Variants in UTP4 observed in about 807,000 individuals in gnomAD.
The protein encoded by UTP4 is U3 small nucleolar RNA-associated protein 4 homolog.
Under a neutral mutation model 82.4 loss-of-function variants are expected in UTP4, and 45 were observed. That is an observed-to-expected ratio of 0.55 (90% CI 0.43 to 0.70). The LOEUF (loss-of-function observed/expected upper bound fraction) is 0.70, where lower values mean the gene tolerates loss of function less well. Ranked by LOEUF, UTP4 falls within the 30% of genes least tolerant of loss-of-function variation. The pLI is 0.00. For missense variants in UTP4, 819 were observed against 858.3 expected, an observed-to-expected ratio of 0.95 and a Z score of 0.57; for synonymous variants, 348 against 300.3, an observed-to-expected ratio of 1.16 and a Z score of -1.64.
In UTP4 at chr16:69,160,436, C is replaced by A; in HGVS notation, c.1525C>A (p.His509Asn). Residue 509 changes from histidine (H) to asparagine (N), a missense_variant, in exon 13 of 17, where the codon CAT (histidine) becomes AAT (asparagine). Coordinates refer to ENST00000314423, the MANE Select transcript of UTP4 (RefSeq NM_032830.3). Reference sequence around the variant, plus strand: ...TGCATCAGGTACCAGTGCTGGAGTCCATGTCTACAACGTAAAACAGCTAAA... The same window carrying A: ...TGCATCAGGTACCAGTGCTGGAGTCAATGTCTACAACGTAAAACAGCTAAA... ...LAASGTSAGVHVYNVKQLKLH... is the reference protein window; with the variant it reads ...LAASGTSAGVNVYNVKQLKLH... 6.2e-7 allele frequency: 1 copy of A among 1,614,004 alleles called. No homozygotes were observed. Among genetic ancestry groups the A allele is most frequent in the Non-Finnish European group, 8.5e-7 (1 of 1,179,908 alleles).
intron 2 of UTP4, 110 bp from the exon 3 acceptor site, chr16:69,136,586 C>A: frequency 2.0e-6 from 2 of 1,011,662 alleles, no homozygotes; most frequent in Non-Finnish European, 3.2e-6. Flanking sequence ...GCACAAAACC[C>A]CACACTAGTT....
chr16:69,157,270 A>G, intron 12 of UTP4, 30 bp downstream of exon 12: 1 of 1,611,942 alleles, frequency 6.2e-7, no homozygotes, highest in South Asian at 1.1e-5. Flanking sequence ...CCATGGGGAG[A>G]CTTGTCGTGT....
At chr16:69,138,009 G>T (rs1382603600) in intron 4 of UTP4, 124 bp downstream of exon 4, 6 of 723,368 alleles carry the variant, frequency 8.3e-6, no homozygotes, top group Non-Finnish European at 1.5e-5. Flanking sequence ...GTACAGGGAG[G>T]GTATGTGCTA....
intron 9 of UTP4, 99 bp from the exon 10 acceptor site, chr16:69,154,294 A>T: frequency 3.2e-6 from 3 of 934,142 alleles, no homozygotes; most frequent in Non-Finnish European, 5.2e-6. Flanking sequence ...TTTCCCACTG[A>T]TAGAGATTCC....
intron 4 of UTP4, among the ~76,000 whole-genome samples, chr16:69,138,307 G>A (rs553828793): frequency 5.3e-5 from 8 of 149,900 alleles, no homozygotes; most frequent in East Asian, 2.0e-4. Context: ...GCATGATCTC[G>A]GCTCACTGTA....
chr16:69,134,993 CT>C (rs1962774409), intron 2 of UTP4, among the ~76,000 whole-genome samples: 1 of 150,716 alleles, frequency 6.6e-6, no homozygotes, highest in Non-Finnish European at 1.5e-5. Flanking sequence ...GACTGATTAT[CT>C]TTTTCTTGGT....
intron 6 of UTP4, among the ~76,000 whole-genome samples, chr16:69,144,887 G>C (rs961005259): frequency 7.9e-5 from 12 of 152,184 alleles, no homozygotes; most frequent in Admixed American, 7.9e-4. Context: ...CACGCCTGTA[G>C]TCCCAGCACT....
At chr16:69,133,070 C>T (rs1962683566) in intron 1 of UTP4, 3 of 289,546 alleles carry the variant, frequency 1.0e-5, no homozygotes, top group South Asian at 6.5e-5. Flanking sequence ...TCGTTTCTTC[C>T]TCAAGAGGAG....
intron 6 of UTP4, among the ~76,000 whole-genome samples, chr16:69,149,889 C>T (rs1028574406): frequency 6.6e-6 from 1 of 151,962 alleles, no homozygotes; most frequent in Non-Finnish European, 1.5e-5. Context: ...CCACCACGCC[C>T]AGCTAATTTT....
chr16:69,159,458 G>A (rs190945211), intron 12 of UTP4, among the ~76,000 whole-genome samples: 30 of 152,318 alleles, frequency 2.0e-4, no homozygotes, highest in South Asian at 8.3e-4. Context: ...TGGAGGCCGA[G>A]GTGGGCAGAT....
intron 14 of UTP4, among the ~76,000 whole-genome samples, chr16:69,164,804 C>A (rs1326394641): frequency 6.6e-6 from 1 of 151,408 alleles, no homozygotes; most frequent in Non-Finnish European, 1.5e-5. Context: ...TGGGCATGAC[C>A]GATATATATG....
intron 12 of UTP4, among the ~76,000 whole-genome samples, chr16:69,159,791 C>T (rs1308968009): frequency 6.6e-6 from 1 of 152,004 alleles, no homozygotes; most frequent in East Asian, 1.9e-4. Flanking sequence ...AGTTCAAGAC[C>T]AGCCCAGCCA....
chr16:69,155,357 G>T (rs1042664785), intron 10 of UTP4, among the ~76,000 whole-genome samples: 1 of 151,666 alleles, frequency 6.6e-6, no homozygotes, highest in African/African-American at 2.4e-5. Flanking sequence ...GTAGAGTCAG[G>T]GTTTCACCAT....
At chr16:69,162,043 C>T (rs923370041) in intron 13 of UTP4, among the ~76,000 whole-genome samples, 8 of 151,640 alleles carry the variant, frequency 5.3e-5, no homozygotes, top group African/African-American at 1.9e-4. Context: ...TCTCTGCTCA[C>T]TGCAACCTCC....
chr16:69,133,171 C>T (rs1004105305), intron 1 of UTP4, among the ~76,000 whole-genome samples: 1 of 152,060 alleles, frequency 6.6e-6, no homozygotes, highest in African/African-American at 2.4e-5. Flanking sequence ...AGGAGAGATG[C>T]TTGCTAAAAT....
chr16:69,144,179 T>G (rs915475233), intron 6 of UTP4, among the ~76,000 whole-genome samples: 2 of 148,460 alleles, frequency 1.3e-5, no homozygotes, highest in African/African-American at 2.5e-5. Flanking sequence ...TGAGCCACTG[T>G]GCCTGGCCTA....
intron 4 of UTP4, 87 bp downstream of exon 4, chr16:69,137,972 A>T (rs1352050357): frequency 1.2e-6 from 1 of 855,792 alleles, no homozygotes. Flanking sequence ...TTTCCCATGA[A>T]TCCAGGTAAT....
chr16:69,149,361 CAA>C (rs1174611451), intron 6 of UTP4, among the ~76,000 whole-genome samples: 1 of 151,720 alleles, frequency 6.6e-6, no homozygotes, highest in Non-Finnish European at 1.5e-5. Flanking sequence ...GCCTGGGCGA[CAA>C]GAGTGAAACT....
At chr16:69,155,844 A>G in intron 10 of UTP4, 27 bp from the exon 11 acceptor site, 1 of 1,614,126 alleles carries the variant, frequency 6.2e-7, no homozygotes, top group Non-Finnish European at 8.5e-7. Context: ...TTAATTGCAC[A>G]TTCATCTTGA....
Sources: gnomAD v4.1 joint callset for allele counts (sites outside exome capture counted in the v4.1 genomes callset) on GRCh38, gnomAD v4.1.1 for gene constraint, MANE v1.5 for transcripts, NCBI Gene and HGNC (gene_info 2026-07-23, HGNC 2026-07-21) for gene names.